ADCY10: variants seen among roughly 807,000 people sequenced by gnomAD.
ADCY10 encodes the protein adenylate cyclase 10, also known as adenylate cyclase type 10.
A neutral mutation model predicts 183.3 loss-of-function variants in ADCY10; 156 were observed. That is an observed-to-expected ratio of 0.85 (90% confidence interval 0.75 to 0.97). The LOEUF is 0.97. Ranked by LOEUF, ADCY10 falls within the 50% of genes least tolerant of loss-of-function variation. The pLI is 0.00. For synonymous variants in ADCY10, 645 were observed against 670.0 expected (o/e 0.96, Z 0.58); for missense variants, 1,745 against 1,934.3 (o/e 0.90, Z 1.84).
At chr1:167,820,088 A>G in intron 30 of ADCY10, 3 of 1,573,968 alleles carry the variant, frequency 1.9e-6, no homozygotes, top group African/African-American at 1.4e-5. Flanking sequence ...AAATTTGGCT[A>G]TGGTTGTCCT....
At chr1:167,894,918 C>T (rs1191679146) in intron 7 of ADCY10, among the ~76,000 whole-genome samples, 1 of 152,154 alleles carries the variant, frequency 6.6e-6, no homozygotes, top group African/African-American at 2.4e-5. Context: ...AGCACGGTGG[C>T]TCACACCTGT....
intron 16 of ADCY10, among the ~76,000 whole-genome samples, chr1:167,856,874 C>A (rs1434788400): frequency 1.3e-5 from 2 of 152,186 alleles, no homozygotes; most frequent in Non-Finnish European, 2.9e-5. Context: ...TTACTGAGCA[C>A]CCCCTGGGCT....
chr1:167,829,473 C>T (rs1663556469), intron 25 of ADCY10, 50 bp from the exon 26 acceptor site: 2 of 1,610,306 alleles, frequency 1.2e-6, no homozygotes, highest in Non-Finnish European at 1.7e-6. Flanking sequence ...TCATCATTAC[C>T]ATGATTTAGG....
chr1:167,837,340 T>C (rs1664289967), intron 21 of ADCY10, 22 bp from the exon 22 acceptor site: 1 of 1,586,180 alleles, frequency 6.3e-7, no homozygotes, highest in Non-Finnish European at 8.7e-7. Flanking sequence ...ACAAATGAGT[T>C]GTATGGGTCA....
At chr1:167,909,550 T>C (rs978867558) in intron 1 of ADCY10, among the ~76,000 whole-genome samples, 3 of 147,846 alleles carry the variant, frequency 2.0e-5, no homozygotes, top group Admixed American at 2.0e-4. Flanking sequence ...ATGAGATTTT[T>C]TTGTGATTTT....
At position 167,870,357 on chromosome 1, in the gene ADCY10, A is replaced by T. The variant is rs905033911; in HGVS notation, c.1516T>A (p.Ser506Thr). The change falls in exon 14 of 33, where the codon TCT becomes ACT. Residue 506 changes from serine (S) to threonine (T), a missense_variant. Physicochemically the swap from Ser to Thr is moderately conservative, Grantham distance 58. Transcript: ENST00000367851. ...TACATTAAGACTTGGCTGCTGTTAG[A>T]TATCAAAAATTTCTTCATAGTATAC... The part of the protein sequence containing the change: ...FMYTMKKFLI[S>T]NSSQVLMYEG... 1.2e-6 allele frequency: 2 copies of T among 1,613,460 alleles called. No individual in the cohort carries two copies. Among genetic ancestry groups the T allele is most frequent in the Non-Finnish European group, 1.7e-6 (2 of 1,179,566 alleles).
rs1194905602 is a variant in ADCY10 at position 167,880,513 on chromosome 1, A to G, written c.1117T>C (p.Cys373Arg). Reference sequence around the variant, plus strand: ...CACTGGATTTTGTGGACTTGAGAGCAGAAGTCAAATATATCCATAGCACAT... The same window carrying G: ...CACTGGATTTTGTGGACTTGAGAGCGGAAGTCAAATATATCCATAGCACAT... Reference protein sequence around the residue: ...LECAMDIFDFCSQVHKIQTVS... With the variant: ...LECAMDIFDFRSQVHKIQTVS... Residue 373 changes from cysteine to arginine, a missense_variant, in exon 10 of 33, where the codon TGC becomes CGC. Physicochemically the swap from Cys to Arg is radical, Grantham distance 180. Transcript: ENST00000367851. 8.1e-6 allele frequency: 13 copies of G among 1,614,036 alleles called. No homozygotes were observed. The highest frequency in any genetic ancestry group is 1.0e-5 in the Non-Finnish European group (12 of 1,179,866).
At chr1:167,859,204 G>C (rs566651378) in intron 16 of ADCY10, among the ~76,000 whole-genome samples, 1 of 152,288 alleles carries the variant, frequency 6.6e-6, no homozygotes, top group Non-Finnish European at 1.5e-5. Flanking sequence ...TATGGTTTTG[G>C]TGTTTATAAG....
chr1:167,810,711 C>G lies in ADCY10; in HGVS notation c.4671+14G>C. 1 of 1,614,072 alleles carries G rather than the reference C, an allele frequency of 6.2e-7. No individual in the cohort carries two copies. The highest frequency in any genetic ancestry group is 8.5e-7 in the Non-Finnish European group (1 of 1,179,976). ...GAGCATCGCCACCCCGGTTTGCTAG[C>G]TGATGATACATACTTTGTTCATGTT... On this transcript the variant is annotated intron_variant, in intron 32 of 32. Coordinates refer to ENST00000367851, the MANE Select transcript of ADCY10 (RefSeq NM_018417.6).
At chr1:167,837,542 T>G (rs1318253511) in intron 21 of ADCY10, among the ~76,000 whole-genome samples, 2 of 152,236 alleles carry the variant, frequency 1.3e-5, no homozygotes, top group Non-Finnish European at 1.5e-5. Context: ...AAGATGGTTA[T>G]GTGTCTTCTC....
chr1:167,910,264 A>G (rs891631396), intron 1 of ADCY10, among the ~76,000 whole-genome samples: 1 of 152,184 alleles, frequency 6.6e-6, no homozygotes, highest in Non-Finnish European at 1.5e-5. Context: ...AGCTATTTGG[A>G]TGCAATGCAA....
chr1:167,819,248 T>A (rs952391997), intron 30 of ADCY10, among the ~76,000 whole-genome samples: 10 of 44,002 alleles, frequency 2.3e-4, no homozygotes, highest in African/African-American at 1.1e-3. Context: ...GAAAATCCGA[T>A]TTTTTTTTTT....
At chr1:167,885,734 G>A (rs1668176015) in intron 8 of ADCY10, among the ~76,000 whole-genome samples, 1 of 152,000 alleles carries the variant, frequency 6.6e-6, no homozygotes, top group Admixed American at 6.6e-5. Flanking sequence ...TGTTGCCTCA[G>A]CCCCTGAGTA....
intron 26 of ADCY10, 60 bp downstream of exon 26, chr1:167,829,207 A>G: frequency 6.3e-7 from 1 of 1,596,968 alleles, no homozygotes; most frequent in Non-Finnish European, 8.6e-7. Flanking sequence ...GGCTTTCACT[A>G]GGCTTTTCTT....
chr1:167,856,155 G>C lies in ADCY10; in HGVS notation c.2171+10C>G, dbSNP rs1255259639. The C allele has an allele frequency of 1.2e-6, 2 of 1,613,892 alleles. No individual in the cohort carries two copies. Among genetic ancestry groups the C allele is most frequent in the Non-Finnish European group, 1.7e-6 (2 of 1,179,792 alleles). ...ATGTCGAGAGTTCAGAATAGAAAGA[G>C]GTTACTTACGAGTCCAGTTCTTTGG... On this transcript the variant is annotated intron_variant, in intron 17 of 32. Coordinates refer to ENST00000367851, the MANE Select transcript of ADCY10 (RefSeq NM_018417.6).
At chr1:167,901,979 C>G in intron 4 of ADCY10, 37 bp downstream of exon 4, 1 of 1,613,156 alleles carries the variant, frequency 6.2e-7, no homozygotes, top group Admixed American at 1.7e-5. Flanking sequence ...CCTCAGCACT[C>G]CTTTCTTACC....
chr1:167,874,376 T>C (rs1388755706), intron 13 of ADCY10, among the ~76,000 whole-genome samples: 1 of 151,956 alleles, frequency 6.6e-6, no homozygotes, highest in Non-Finnish European at 1.5e-5. Context: ...AATAAACTTA[T>C]GAAGAAGGAG....
chr1:167,827,081 C>T (rs1172439133), intron 26 of ADCY10, among the ~76,000 whole-genome samples: 2 of 152,144 alleles, frequency 1.3e-5, no homozygotes, highest in East Asian at 3.8e-4. Flanking sequence ...TAAGCTCCTC[C>T]AACAGTAGCT....
intron 31 of ADCY10, among the ~76,000 whole-genome samples, chr1:167,811,364 G>C (rs1246945224): frequency 6.6e-6 from 1 of 152,064 alleles, no homozygotes; most frequent in Non-Finnish European, 1.5e-5. Flanking sequence ...CGAGGTGGGT[G>C]GATCACAAGG....
Sources: allele counts gnomAD v4.1 joint callset (sites outside exome capture counted in the v4.1 genomes callset), GRCh38; gene constraint gnomAD v4.1.1; transcripts MANE v1.5; gene names NCBI Gene and HGNC (gene_info 2026-07-23, HGNC 2026-07-21).